The following SLC12A7 variants were observed in gnomAD, a reference collection of about 807,000 sequenced individuals.
The protein encoded by SLC12A7 is K-Cl cotransporter 4.
Under a neutral mutation model 120.6 loss-of-function variants are expected in SLC12A7, and 100 were observed. The observed-to-expected ratio is 0.83, with a 90% CI of 0.71 to 0.98. The LOEUF (loss-of-function observed/expected upper bound fraction) is 0.98. SLC12A7 is among the 50% of genes least tolerant of loss of function. The pLI is 0.00. For missense variants in SLC12A7, 1,373 were observed against 1,548.1 expected (o/e 0.89, Z 1.90); for synonymous variants, 760 against 678.0 (o/e 1.12, Z -1.88).
chr5:1,068,157 G>A (rs900549118), intron 17 of SLC12A7, among the ~76,000 whole-genome samples: 7 of 152,204 alleles, frequency 4.6e-5, no homozygotes, highest in Admixed American at 4.6e-4. Context: ...TGCCCAGACA[G>A]GCTGCCGTGG....
At chr5:1,097,483 C>A (rs768360817) in intron 1 of SLC12A7, among the ~76,000 whole-genome samples, 4 of 152,186 alleles carry the variant, frequency 2.6e-5, no homozygotes, top group Non-Finnish European at 5.9e-5. Flanking sequence ...GGATTAATAT[C>A]GAGAAATTCA....
rs55904689 is a variant in SLC12A7 at position 1,104,115 on chromosome 5, C to T, written c.124+7753G>A. 5.6e-3 allele frequency among the ~76,000 whole-genome samples: 860 copies of T among 152,270 alleles called. 9 individuals are homozygous for T. The highest frequency in any genetic ancestry group is 0.017 in the African/African-American group (709 of 41,552). On this transcript the variant is annotated intron_variant, in intron 1 of 23. Coordinates refer to ENST00000264930, the MANE Select transcript of SLC12A7 (RefSeq NM_006598.3). ...GGGACCCAGGAGGGGCCTGGCCTGG[C>T]GCACTTCCCTCCTCCGATTTCCACT...
intron 23 of SLC12A7, 40 bp downstream of exon 23, chr5:1,053,309 G>A (rs1735254064): frequency 6.3e-7 from 1 of 1,599,688 alleles, no homozygotes; most frequent in Non-Finnish European, 8.5e-7. Context: ...CCACCAGGGG[G>A]TGCCCGCACG....
At chr5:1,155,625 C>T in the SLC12A7 span, among the ~76,000 whole-genome samples, 4 of 151,416 alleles carry the variant, frequency 2.6e-5, no homozygotes, top group Non-Finnish European at 5.9e-5. Flanking sequence ...GCCAGGCCGC[C>T]GCCGCCCACC....
Position 1,051,572 on chromosome 5 carries a change from T to C in SLC12A7, c.*788A>G, listed in dbSNP as rs1058508. 85,092 of 152,200 alleles carry C rather than the reference T, an allele frequency of 0.56. 23,969 individuals carry two copies. Among genetic ancestry groups the C allele is most frequent in the African/African-American group, 0.59 (24,356 of 41,506 alleles). The allele number at this position is 152,200 out of a possible 1,614,324, so 9.4% of individuals were successfully genotyped here. On this transcript the variant is annotated 3_prime_UTR_variant, in exon 24 of 24. Transcript: ENST00000264930. The stretch of plus-strand genomic sequence containing the variant: ...AAAGAAGTGGCTGGTTTTCTAAAGG[T>C]GGATGGAGACTCGGACAGCTGCAAA...
At chr5:1,107,688 G>A (rs1046656760) in intron 1 of SLC12A7, among the ~76,000 whole-genome samples, 1 of 152,206 alleles carries the variant, frequency 6.6e-6, no homozygotes, top group Non-Finnish European at 1.5e-5. Flanking sequence ...CACTGAGAAA[G>A]CCACGCACTC....
intron 1 of SLC12A7, among the ~76,000 whole-genome samples, chr5:1,099,800 C>T (rs1343772031): frequency 1.3e-5 from 2 of 152,186 alleles, no homozygotes; most frequent in Non-Finnish European, 2.9e-5. Flanking sequence ...AAACCAAGTG[C>T]AGCAAAACTC....
chr5:1,111,278 T>C (rs1316047419), intron 1 of SLC12A7, among the ~76,000 whole-genome samples: 2 of 151,896 alleles, frequency 1.3e-5, no homozygotes, highest in Non-Finnish European at 2.9e-5. Flanking sequence ...AACCTCCAGA[T>C]TCCCGGAACG....
At chr5:1,088,894 G>A (rs939504017) in intron 4 of SLC12A7, 88 bp downstream of exon 4, 21 of 1,532,088 alleles carry the variant, frequency 1.4e-5, no homozygotes, top group South Asian at 6.9e-5. Flanking sequence ...CAACCACAGC[G>A]GCCAGGGGAG....
intron 1 of SLC12A7, among the ~76,000 whole-genome samples, chr5:1,103,003 T>C (rs977994906): frequency 6.6e-6 from 1 of 152,100 alleles, no homozygotes; most frequent in East Asian, 1.9e-4. Flanking sequence ...TAAAGTGTGT[T>C]TAGGTTCCAG....
chr5:1,108,572 G>A (rs1282409531), intron 1 of SLC12A7, among the ~76,000 whole-genome samples: 1 of 152,088 alleles, frequency 6.6e-6, no homozygotes, highest in East Asian at 1.9e-4. Context: ...TGGGCACAAC[G>A]AGAGCTCTCT....
chr5:1,097,680 G>A (rs1027853183), intron 1 of SLC12A7, among the ~76,000 whole-genome samples: 1 of 152,154 alleles, frequency 6.6e-6, no homozygotes, highest in Non-Finnish European at 1.5e-5. Flanking sequence ...ACGCGAGGAC[G>A]CACAGAAAAG....
the SLC12A7 span, among the ~76,000 whole-genome samples, chr5:1,119,379 G>A: frequency 9.9e-4 from 150 of 152,284 alleles, 1 homozygote; most frequent in African/African-American, 3.4e-3. Context: ...ATCCCACCCC[G>A]CACAGCAGTA....
chr5:1,086,765 G>C, intron 6 of SLC12A7, 138 bp downstream of exon 6: 1 of 1,195,652 alleles, frequency 8.4e-7, no homozygotes, highest in Non-Finnish European at 1.2e-6. Flanking sequence ...CAGAGCCCAG[G>C]AGAGCCCAGG....
intron 9 of SLC12A7, 21 bp from the exon 10 acceptor site, chr5:1,079,517 G>A (rs759685467): frequency 6.3e-7 from 1 of 1,594,718 alleles, no homozygotes; most frequent in Non-Finnish European, 8.6e-7. Flanking sequence ...GGAAAATGCT[G>A]CAAAGACCCA....
the SLC12A7 span, among the ~76,000 whole-genome samples, chr5:1,139,085 C>T: frequency 4.6e-5 from 7 of 151,860 alleles, no homozygotes; most frequent in African/African-American, 1.2e-4. Flanking sequence ...GGGCTCTGGG[C>T]GGCAGCAGGT....
At chr5:1,112,233 C>G (rs927589403), upstream of SLC12A7, among the ~76,000 whole-genome samples, 1 of 151,902 alleles carries the variant, frequency 6.6e-6, no homozygotes. Context: ...GGGGCTTTCG[C>G]TGCCTGCGCT....
At chr5:1,057,046 GCAGGGCTGACTT>G (rs1735695198) in intron 22 of SLC12A7, among the ~76,000 whole-genome samples, 1 of 152,142 alleles carries the variant, frequency 6.6e-6, no homozygotes, top group Non-Finnish European at 1.5e-5. Flanking sequence ...AGGCCTGGCC[GCAGGGCTGACTT>G]CAGGGCTGGC....
Position 1,051,432 on chromosome 5 carries a change from C to CG in SLC12A7, c.*927dup, listed in dbSNP as rs1561018593. The CG allele has an allele frequency of 6.5e-6, 1 of 153,982 alleles. No homozygotes were observed. The highest frequency in any genetic ancestry group is 2.4e-5 in the African/African-American group (1 of 41,516). The allele number at this position is 153,982 out of a possible 1,614,324, so 9.5% of individuals were successfully genotyped here. ...GGCAGTCCTGGCTGTCGTGGGCTGTCGGGGGAACTCACTGTTCACTCTGCG... is the reference window on the plus strand; with the variant it reads ...GGCAGTCCTGGCTGTCGTGGGCTGTCGGGGGGAACTCACTGTTCACTCTGCG... On this transcript the variant is annotated 3_prime_UTR_variant, in exon 24 of 24. Transcript: ENST00000264930.
Sources: allele counts gnomAD v4.1 joint callset (sites outside exome capture counted in the v4.1 genomes callset), GRCh38; gene constraint gnomAD v4.1.1; transcripts MANE v1.5; gene names NCBI Gene and HGNC (gene_info 2026-07-23, HGNC 2026-07-21).